The following LATS1 variants were observed in gnomAD, a reference collection of about 807,000 sequenced individuals.
The protein encoded by LATS1 is large tumor suppressor kinase 1.
Under a neutral mutation model 106.6 loss-of-function variants are expected in LATS1, and 25 were observed. The ratio of observed to expected loss-of-function variants is 0.23; its 90% CI spans 0.17 to 0.33. The LOEUF (loss-of-function observed/expected upper bound fraction) is 0.33, where lower values mean the gene tolerates loss of function less well. Ranked by LOEUF, LATS1 falls within the 10% of genes least tolerant of loss-of-function variation. The pLI is 1.00. For synonymous variants in LATS1, 465 were observed against 455.6 expected (o/e 1.02, Z -0.26); for missense variants, 1,040 against 1,382.6 (o/e 0.75, Z 3.93).
chr6:149,683,903 C>G lies in LATS1; in HGVS notation c.1186G>C (p.Ala396Pro). Residue 396 changes from alanine to proline, a missense_variant, in exon 4 of 8, where the codon GCT becomes CCT. This residue lies in a region of LATS1 where 624 missense variants were observed against 714.8 expected (regional missense o/e 0.87). Coordinates refer to ENST00000543571, the MANE Select transcript of LATS1 (RefSeq NM_004690.4). ...CTTCCATTTGTATATGACGAAGGAG[C>G]AGCAGATCCCCCTGTTTGTAAAGCA... ...PSALQTGGSA[A>P]PSSYTNGSIP... is the part of the protein sequence containing the mutation. 6.2e-7 allele frequency: 1 copy of G among 1,614,152 alleles called. No individual in the cohort carries two copies. Among genetic ancestry groups the G allele is most frequent in the Non-Finnish European group, 8.5e-7 (1 of 1,180,032 alleles).
chr6:149,700,299 C>A (rs1206560839), intron 2 of LATS1, among the ~76,000 whole-genome samples: 7 of 151,978 alleles, frequency 4.6e-5, no homozygotes, highest in African/African-American at 7.3e-5. Context: ...CATGGTGAAA[C>A]CCCATCTCTA....
chr6:149,685,980 C>T (rs963950172), intron 3 of LATS1, among the ~76,000 whole-genome samples: 1 of 151,966 alleles, frequency 6.6e-6, no homozygotes, highest in African/African-American at 2.4e-5. Flanking sequence ...AAACAAAAGA[C>T]CATTCAATAG....
intron 3 of LATS1, among the ~76,000 whole-genome samples, chr6:149,694,287 C>T (rs1400608563): frequency 6.6e-6 from 1 of 151,914 alleles, no homozygotes; most frequent in African/African-American, 2.4e-5. Flanking sequence ...AGCCGATGCC[C>T]AAAAATGGGA....
chr6:149,703,923 G>A (rs1783605416), intron 1 of LATS1, among the ~76,000 whole-genome samples: 1 of 152,214 alleles, frequency 6.6e-6, no homozygotes, highest in African/African-American at 2.4e-5. Flanking sequence ...GTTGACACCA[G>A]TCCAGATGTT....
At position 149,661,222 on chromosome 6, in the gene LATS1, C is replaced by T. The variant is rs943683101; in HGVS notation, c.*507G>A. ...TGTGAATTATACAGATTATCATTAG[C>T]CTAGGAACACTCACCAACACGATGG... On this transcript the variant is annotated 3_prime_UTR_variant, in exon 8 of 8. Transcript: ENST00000543571. 8.7e-6 allele frequency: 2 copies of T among 229,910 alleles called. No homozygotes were observed. Among genetic ancestry groups the T allele is most frequent in the African/African-American group, 4.4e-5 (2 of 45,078 alleles). 14.2% of individuals were successfully genotyped at this position (229,910 alleles called of 1,614,324 possible).
chr6:149,670,564 G>A (rs887987513), intron 7 of LATS1, among the ~76,000 whole-genome samples: 2 of 151,992 alleles, frequency 1.3e-5, no homozygotes, highest in Non-Finnish European at 2.9e-5. Flanking sequence ...CCTTCCTGGA[G>A]CAGCTCGTTA....
At chr6:149,703,511 T>G (rs902941436) in intron 1 of LATS1, among the ~76,000 whole-genome samples, 1 of 152,144 alleles carries the variant, frequency 6.6e-6, no homozygotes, top group Non-Finnish European at 1.5e-5. Context: ...AGTACTTCTC[T>G]GAGTACTAGA....
intron 7 of LATS1, among the ~76,000 whole-genome samples, chr6:149,665,237 T>C (rs1193698902): frequency 6.6e-5 from 10 of 152,150 alleles, no homozygotes; most frequent in Admixed American, 6.6e-4. Context: ...GGTGCATACC[T>C]GTAATCCCAG....
At chr6:149,697,002 G>A (rs1393387365) in intron 2 of LATS1, 1 of 532,732 alleles carries the variant, frequency 1.9e-6, no homozygotes, top group South Asian at 1.5e-5. Flanking sequence ...TCCACTCCTT[G>A]TACTTTATGT....
intron 1 of LATS1, among the ~76,000 whole-genome samples, chr6:149,705,993 G>A (rs1783739510): frequency 6.6e-6 from 1 of 151,634 alleles, no homozygotes; most frequent in Non-Finnish European, 1.5e-5. Flanking sequence ...AGACCAGCCT[G>A]ACCAACATGG....
chr6:149,672,089 C>T lies in LATS1; in HGVS notation c.2883+4171G>A, dbSNP rs539311475. On this transcript the variant is annotated intron_variant, in intron 7 of 7. Transcript: ENST00000543571. ...TGTATTTTTAGTAGAGATGGGGTTT[C>T]GCCAAGTTGGCCAGGCTGGTCTCAA... 9.0e-4 allele frequency among the ~76,000 whole-genome samples: 137 copies of T among 151,858 alleles called. 1 individual carries two copies. Among genetic ancestry groups the T allele is most frequent in the Non-Finnish European group, 1.0e-3 (70 of 67,986 alleles).
Position 149,670,707 on chromosome 6 carries a change from GAC to G in LATS1, c.2883+5551_2883+5552del, listed in dbSNP as rs549120448. 1.4e-3 allele frequency among the ~76,000 whole-genome samples: 220 copies of G among 152,196 alleles called. 5 individuals carry two copies. The highest frequency in any genetic ancestry group is 5.2e-3 in the African/African-American group (217 of 41,432). On this transcript the variant is annotated intron_variant, in intron 7 of 7. Transcript: ENST00000543571. ...TGACCTGCTCTGGCAGATTTAAAGA[GAC>G]AGAGATCCATTTCTTTTTTTGACCC...
In LATS1 at chr6:149,659,840, CT is replaced by C. The variant is rs1436277709; in HGVS notation, c.*1888del. On this transcript the variant is annotated 3_prime_UTR_variant, in exon 8 of 8. Coordinates refer to ENST00000543571, the MANE Select transcript of LATS1 (RefSeq NM_004690.4). ...TGTTTTACAATTCTGATTAGAAATC[CT>C]TCAGAAATATTTCTGTATCAAGCTT... 1 of 226,136 alleles carries C rather than the reference CT, an allele frequency of 4.4e-6. No individual in the cohort carries two copies. Among genetic ancestry groups the C allele is most frequent in the Non-Finnish European group, 8.8e-6 (1 of 113,828 alleles). 14.0% of individuals were successfully genotyped at this position (226,136 alleles called of 1,614,324 possible). A position where few individuals can be genotyped will look rare whatever the true frequency, so the allele number is the denominator to read the frequency against.
At chr6:149,708,170 C>T (rs1375110727) in intron 1 of LATS1, among the ~76,000 whole-genome samples, 1 of 152,088 alleles carries the variant, frequency 6.6e-6, no homozygotes, top group Non-Finnish European at 1.5e-5. Flanking sequence ...GGGGAAATAA[C>T]AGAAGCATTA....
At chr6:149,709,572 G>T (rs1292520927) in intron 1 of LATS1, among the ~76,000 whole-genome samples, 1 of 151,356 alleles carries the variant, frequency 6.6e-6, no homozygotes, top group Admixed American at 6.6e-5. Context: ...TACATAATGG[G>T]AACTTTGGTC....
intron 1 of LATS1, among the ~76,000 whole-genome samples, chr6:149,704,887 TACACACACACAC>T (rs57029776): frequency 5.7e-4 from 80 of 139,874 alleles, no homozygotes; most frequent in Non-Finnish European, 8.0e-4. Flanking sequence ...AAATTAATTA[TACACACACACAC>T]ACACACACAC....
At chr6:149,711,796 C>G (rs192190757) in intron 1 of LATS1, among the ~76,000 whole-genome samples, 1 of 152,260 alleles carries the variant, frequency 6.6e-6, no homozygotes. Context: ...CCTCCAGGCC[C>G]GGTTGCTTAC....
Position 149,684,507 on chromosome 6 carries a change from T to C in LATS1, c.582A>G (p.Leu194=). ...CAGAATGATAGGCCACACTTTCTCCTAGTGGCGGGCCATGCCTCTGAGGAA... is the reference window on the plus strand; with the variant it reads ...CAGAATGATAGGCCACACTTTCTCCCAGTGGCGGGCCATGCCTCTGAGGAA... ...SLVPQRHGPP[L]GESVAYHSES... is the part of the protein sequence containing the mutation. Residue 194 remains leucine (L), a synonymous_variant, in exon 4 of 8, where the codon CTA becomes CTG. Coordinates refer to ENST00000543571, the MANE Select transcript of LATS1 (RefSeq NM_004690.4). 1.2e-6 allele frequency: 2 copies of C among 1,614,138 alleles called. No homozygotes were observed. The highest frequency in any genetic ancestry group is 1.7e-6 in the Non-Finnish European group (2 of 1,179,970).
At position 149,684,093 on chromosome 6, in the gene LATS1, CATG is replaced by C; in HGVS notation, c.993_995del (p.Ile331del). The C allele has an allele frequency of 6.2e-7, 1 of 1,614,206 alleles. No individual in the cohort carries two copies. The highest frequency in any genetic ancestry group is 8.5e-7 in the Non-Finnish European group (1 of 1,180,046). The stretch of plus-strand genomic sequence containing the variant: ...GAAAGTTAAATTTGCTAGAACTCTG[CATG>C]ATGATTGGTTGTCTGCCAACAGGAA... On this transcript the variant is annotated inframe_deletion, in exon 4 of 8. Transcript: ENST00000543571.
Sources: gnomAD v4.1 joint callset for allele counts (sites outside exome capture counted in the v4.1 genomes callset) on GRCh38, gnomAD v4.1.1 for gene constraint, gnomAD v4.1.1 regional missense constraint, MANE v1.5 for transcripts, NCBI Gene and HGNC (gene_info 2026-07-23, HGNC 2026-07-21) for gene names.